The following PIEZO2 variants were observed in gnomAD, a reference collection of about 807,000 sequenced individuals.
PIEZO2 encodes piezo type mechanosensitive ion channel component 2, also known as piezo-type mechanosensitive ion channel component 2.
PIEZO2 carries 172 observed loss-of-function variants against 337.3 expected under a neutral mutation model. The ratio of observed to expected loss-of-function variants is 0.51; its 90% CI spans 0.45 to 0.58. PIEZO2 has a LOEUF of 0.58. Among genes scored for constraint, PIEZO2 ranks in the 20% least tolerant of loss-of-function variants. The pLI, the probability that PIEZO2 is intolerant of heterozygous loss-of-function variation, is 0.00. For synonymous variants in PIEZO2, 1,251 were observed against 1,228.5 expected, an observed-to-expected ratio of 1.02 and a Z score of -0.38; for missense variants, 3,028 against 3,391.3, an observed-to-expected ratio of 0.89 and a Z score of 2.66.
At chr18:10,886,815 G>A (rs1274791066) in intron 4 of PIEZO2, among the ~76,000 whole-genome samples, 1 of 151,774 alleles carries the variant, frequency 6.6e-6, no homozygotes, top group Non-Finnish European at 1.5e-5. Context: ...AATTATCACT[G>A]TATTAGGCCT....
rs371403568 is a variant in PIEZO2, at chr18:11,104,349, G to C, written c.65-38127C>G. 2.3e-4 allele frequency among the ~76,000 whole-genome samples: 35 copies of C among 152,198 alleles called. No homozygotes were observed. The highest frequency in any genetic ancestry group is 7.7e-4 in the African/African-American group (32 of 41,462). ...CCCTAGCCACCCCACCTCAAGCCAG[G>C]AGGCTCTTTCTCCTAGACCAAGACA... is the stretch of plus-strand genomic sequence containing the variant. On this transcript the variant is annotated intron_variant, in intron 1 of 55. Transcript: ENST00000674853. The surrounding 1 kb of genome is among the most constrained non-coding windows in gnomAD (Gnocchi z 4.6).
At chr18:10,913,496 C>A (rs145575654) in intron 3 of PIEZO2, among the ~76,000 whole-genome samples, 1 of 152,128 alleles carries the variant, frequency 6.6e-6, no homozygotes, top group African/African-American at 2.4e-5. Flanking sequence ...TACATTTCCA[C>A]TGTTTTCTCA....
intron 2 of PIEZO2, among the ~76,000 whole-genome samples, chr18:11,065,204 C>T (rs1291777291): frequency 2.6e-5 from 4 of 152,182 alleles, no homozygotes; most frequent in Admixed American, 6.5e-5. Flanking sequence ...GTTCTGTGTA[C>T]ACCGTGGTCT....
chr18:10,699,490 T>A (rs553164015), intron 43 of PIEZO2, among the ~76,000 whole-genome samples: 45 of 152,274 alleles, frequency 3.0e-4, no homozygotes, highest in Non-Finnish European at 5.4e-4. Flanking sequence ...CCTGCCACCA[T>A]CCAAGTAAGA....
Position 11,143,627 on chromosome 18 carries a change from A to ACTCT in PIEZO2, c.64+4897_64+4898insAGAG, listed in dbSNP as rs1448983282. On this transcript the variant is annotated intron_variant, in intron 1 of 55. Coordinates refer to ENST00000674853, the MANE Select transcript of PIEZO2 (RefSeq NM_001378183.1). The surrounding 1 kb of genome is among the most constrained non-coding windows in gnomAD (Gnocchi z 4.9). Reference sequence around the variant, plus strand: ...CACACACACACACACACACACACACACACACACACACACTCTCTCTCTCTC... The same window carrying ACTCT: ...CACACACACACACACACACACACACACTCTCACACACACACACTCTCTCTCTCTC... 3.6e-4 allele frequency among the ~76,000 whole-genome samples: 39 copies of ACTCT among 107,902 alleles called. No homozygotes were observed. The highest frequency in any genetic ancestry group is 2.0e-3 in the South Asian group (8 of 4,044). 70.8% of individuals were successfully genotyped at this position (107,902 alleles called of 152,430 possible).
At position 10,769,941 on chromosome 18, in the gene PIEZO2, C is replaced by G. The variant is rs2038527449; in HGVS notation, c.2946+207G>C. ...AAGTAGCCTTTGTAATATGACCAAG[C>G]CAACGAGAAACTCAGCCACGAGCCT... On this transcript the variant is annotated intron_variant, in intron 21 of 55. Coordinates refer to ENST00000674853, the MANE Select transcript of PIEZO2 (RefSeq NM_001378183.1). The G allele has an allele frequency of 5.8e-6, 3 of 515,718 alleles. No homozygotes were observed. In the East Asian group the frequency reaches 9.6e-5, roughly 17 times the overall value. The allele number at this position is 515,718 out of a possible 1,614,324, so 31.9% of individuals were successfully genotyped here. A position where few individuals can be genotyped will look rare whatever the true frequency, so the allele number is the denominator to read the frequency against.
intron 2 of PIEZO2, among the ~76,000 whole-genome samples, chr18:11,051,637 AC>A (rs1230988942): frequency 6.6e-5 from 10 of 152,288 alleles, no homozygotes; most frequent in Non-Finnish European, 1.5e-4. Context: ...AAATAAGCAA[AC>A]AGAAACAATT....
chr18:10,965,883 C>T (rs1267447319), intron 3 of PIEZO2, among the ~76,000 whole-genome samples: 1 of 152,072 alleles, frequency 6.6e-6, no homozygotes, highest in Non-Finnish European at 1.5e-5. Flanking sequence ...ATCATAGGAA[C>T]ACAGATGTAG....
rs1190736031 is a variant in PIEZO2 at position 10,895,288 on chromosome 18, A to C, written c.329+15898T>G. The stretch of plus-strand genomic sequence containing the variant: ...TGGTGAAACCCCATTTCTACTAAAA[A>C]TACAAAAATTAGCTGGGTATGTTGG... On this transcript the variant is annotated intron_variant, in intron 4 of 55. Coordinates refer to ENST00000674853, the MANE Select transcript of PIEZO2 (RefSeq NM_001378183.1). This position sits in a 1 kb window ranked among gnomAD's most constrained non-coding sequence, Gnocchi z 4.8. Among the ~76,000 whole-genome samples the C allele has an allele frequency of 6.6e-6, 1 of 152,068 alleles. No homozygotes were observed. Among genetic ancestry groups the C allele is most frequent in the African/African-American group, 2.4e-5 (1 of 41,402 alleles).
At chr18:10,733,175 A>C (rs2036854574) in intron 35 of PIEZO2, among the ~76,000 whole-genome samples, 1 of 152,166 alleles carries the variant, frequency 6.6e-6, no homozygotes, top group Non-Finnish European at 1.5e-5. Flanking sequence ...CTCCTGGCTC[A>C]ACAAAGGACC....
At chr18:10,907,704 C>T (rs1442851572) in intron 4 of PIEZO2, among the ~76,000 whole-genome samples, 2 of 152,034 alleles carry the variant, frequency 1.3e-5, no homozygotes, top group Non-Finnish European at 2.9e-5. Flanking sequence ...AGGGTGTCCA[C>T]GAATGTACAA....
intron 3 of PIEZO2, among the ~76,000 whole-genome samples, chr18:10,959,492 G>A (rs1300083560): frequency 6.6e-6 from 1 of 152,158 alleles, no homozygotes; most frequent in Non-Finnish European, 1.5e-5. Flanking sequence ...AGGTTGACAT[G>A]AGATGTCTTA....
chr18:11,068,993 G>T (rs533315223), intron 1 of PIEZO2, among the ~76,000 whole-genome samples: 1 of 151,984 alleles, frequency 6.6e-6, no homozygotes, highest in South Asian at 2.1e-4. Context: ...AATCTGAGCA[G>T]ACTAGTAAAA....
chr18:11,058,412 A>G (rs2625377), intron 2 of PIEZO2, among the ~76,000 whole-genome samples: 106,279 of 152,144 alleles, frequency 0.7, 37,581 homozygotes, highest in East Asian at 0.99. Flanking sequence ...GCAATGGAAC[A>G]AAGCTGGACG....
intron 2 of PIEZO2, among the ~76,000 whole-genome samples, chr18:10,990,538 C>A (rs1014543766): frequency 2.0e-5 from 3 of 151,738 alleles, no homozygotes; most frequent in African/African-American, 7.3e-5. Context: ...AGCCCCAAGC[C>A]CTTGAAACTA....
chr18:10,968,142 A>G (rs1346638777), intron 3 of PIEZO2, among the ~76,000 whole-genome samples: 3 of 152,094 alleles, frequency 2.0e-5, no homozygotes, highest in Admixed American at 2.0e-4. Flanking sequence ...AAGAGATGAG[A>G]ATCCAGTTTC....
chr18:10,968,207 T>G (rs932039069), intron 3 of PIEZO2, among the ~76,000 whole-genome samples: 2 of 152,200 alleles, frequency 1.3e-5, no homozygotes, highest in African/African-American at 2.4e-5. Flanking sequence ...AAACAGGGTG[T>G]CCTTTCCTCA....
chr18:11,131,941 A>T lies in PIEZO2; in HGVS notation c.64+16584T>A. Reference sequence around the variant, plus strand: ...GGCCATGGTGGCAGGGTTGGAGGTTATACATGGGCTCAGTAACAAGGACTT... The same window carrying T: ...GGCCATGGTGGCAGGGTTGGAGGTTTTACATGGGCTCAGTAACAAGGACTT... On this transcript the variant is annotated intron_variant, in intron 1 of 55. Coordinates refer to ENST00000674853, the MANE Select transcript of PIEZO2 (RefSeq NM_001378183.1). This position sits in a 1 kb window ranked among gnomAD's most constrained non-coding sequence, Gnocchi z 5.3. Among the ~76,000 whole-genome samples the T allele has an allele frequency of 6.6e-6, 1 of 152,192 alleles. No individual in the cohort carries two copies. The highest frequency in any genetic ancestry group is 1.9e-4 in the East Asian group (1 of 5,186).
intron 32 of PIEZO2, 41 bp downstream of exon 32, chr18:10,742,453 C>G: frequency 6.5e-7 from 1 of 1,532,622 alleles, no homozygotes; most frequent in Non-Finnish European, 8.7e-7. Context: ...TGCTATTATT[C>G]AATGTTAAAA....
Sources: gnomAD v4.1 joint callset for allele counts (sites outside exome capture counted in the v4.1 genomes callset) on GRCh38, gnomAD v4.1.1 for gene constraint, Gnocchi (gnomAD v3.1) non-coding constraint, MANE v1.5 for transcripts, NCBI Gene and HGNC (gene_info 2026-07-23, HGNC 2026-07-21) for gene names.